RBFOX1: variants seen among roughly 807,000 people sequenced by gnomAD.
RBFOX1 encodes RNA binding fox-1 homolog 1.
In RBFOX1, 8 loss-of-function variants were observed where a neutral mutation model predicts 57.7. That is an observed-to-expected ratio of 0.14 (90% CI 0.08 to 0.25). The LOEUF (loss-of-function observed/expected upper bound fraction) is 0.25, where lower values mean the gene tolerates loss of function less well. Among genes scored for constraint, RBFOX1 ranks in the 10% least tolerant of loss-of-function variants. The pLI is 1.00. For synonymous variants in RBFOX1, 326 were observed against 222.4 expected, an observed-to-expected ratio of 1.47 and a Z score of -4.15; for missense variants, 611 against 548.5, an observed-to-expected ratio of 1.11 and a Z score of -1.14.
At chr16:6,688,053 T>G (rs1026434810) in intron 3 of RBFOX1, among the ~76,000 whole-genome samples, 1 of 152,176 alleles carries the variant, frequency 6.6e-6, no homozygotes, top group Non-Finnish European at 1.5e-5. Flanking sequence ...ATTCTTGCAC[T>G]GCCATAGACA....
At chr16:6,043,285 C>T (rs988213787) in intron 1 of RBFOX1, among the ~76,000 whole-genome samples, 2 of 152,038 alleles carry the variant, frequency 1.3e-5, no homozygotes, top group African/African-American at 2.4e-5. Flanking sequence ...CGTCTCCCAC[C>T]GAATCTGTGC....
At chr16:7,062,444 G>A (rs1348726788) in intron 4 of RBFOX1, among the ~76,000 whole-genome samples, 1 of 152,028 alleles carries the variant, frequency 6.6e-6, no homozygotes, top group Non-Finnish European at 1.5e-5. Flanking sequence ...GATGAATCAT[G>A]GGTACAGCAA....
At chr16:5,700,375 C>G (rs1407282871) in intron 3 of RBFOX1, among the ~76,000 whole-genome samples, 2 of 151,908 alleles carry the variant, frequency 1.3e-5, no homozygotes, top group Non-Finnish European at 2.9e-5. Context: ...TGCCTTCTCT[C>G]TGGAATCATA....
chr16:7,243,234 G>C lies in RBFOX1; in HGVS notation c.27+191136G>C, dbSNP rs146954222. ...TGCCAACAACTACTCCAAGCACTTG[G>C]CATGAATGTACCACATTTATTCTCC... On this transcript the variant is annotated intron_variant, in intron 4 of 15. Transcript: ENST00000550418. 4.4e-4 allele frequency among the ~76,000 whole-genome samples: 67 copies of C among 152,216 alleles called. No individual in the cohort carries two copies. In the East Asian group the frequency reaches 0.012, roughly 26 times the overall value.
chr16:7,598,303 G>A (rs886181358), intron 9 of RBFOX1, among the ~76,000 whole-genome samples: 2 of 152,032 alleles, frequency 1.3e-5, no homozygotes, highest in Non-Finnish European at 2.9e-5. Flanking sequence ...TGACATAAAT[G>A]TTTGTCGCAT....
chr16:7,197,958 C>T (rs1363179660), intron 4 of RBFOX1, among the ~76,000 whole-genome samples: 3 of 150,514 alleles, frequency 2.0e-5, no homozygotes, highest in African/African-American at 7.3e-5. Flanking sequence ...TCTTTTTTCC[C>T]CCGTTCCACT....
chr16:7,066,818 T>G (rs2056167079), intron 4 of RBFOX1, among the ~76,000 whole-genome samples: 2 of 152,188 alleles, frequency 1.3e-5, no homozygotes, highest in African/African-American at 2.4e-5. Context: ...AGAGGAGCAC[T>G]TGATGTCAAC....
At chr16:5,299,649 C>A (rs2063756265) in intron 1 of RBFOX1, among the ~76,000 whole-genome samples, 3 of 152,190 alleles carry the variant, frequency 2.0e-5, no homozygotes, top group African/African-American at 2.4e-5. Flanking sequence ...ATGTTGACTT[C>A]ATATCTAGAA....
chr16:6,731,635 C>T (rs1211954451), intron 3 of RBFOX1, among the ~76,000 whole-genome samples: 1 of 152,038 alleles, frequency 6.6e-6, no homozygotes, highest in Admixed American at 6.6e-5. Flanking sequence ...GGAGTGTAAA[C>T]ACCCCAGCTC....
intron 4 of RBFOX1, among the ~76,000 whole-genome samples, chr16:7,258,789 A>G (rs754924033): frequency 4.6e-5 from 7 of 152,168 alleles, no homozygotes; most frequent in Non-Finnish European, 1.0e-4. Context: ...TTTTGAACCG[A>G]GAAAGGGTTC....
chr16:6,134,551 C>T (rs1202600413), intron 1 of RBFOX1, among the ~76,000 whole-genome samples: 1 of 152,040 alleles, frequency 6.6e-6, no homozygotes, highest in African/African-American at 2.4e-5. Context: ...TGGTAGGTAC[C>T]AAAGACATGA....
rs113263505 is a variant in RBFOX1, at chr16:5,902,306, C to T, written c.351+34971C>T. On this transcript the variant is annotated intron_variant, in intron 4 of 19. Transcript: ENST00000641259. ...GAGCCACAGTTGACAAATAATAGAG[C>T]TAGAATTTGAACCCAAATTTGGGTG... 4.1e-3 allele frequency among the ~76,000 whole-genome samples: 631 copies of T among 152,282 alleles called. 7 individuals are homozygous for T. Among genetic ancestry groups the T allele is most frequent in the African/African-American group, 0.015 (605 of 41,562 alleles).
chr16:6,666,378 T>A (rs1167005884), intron 3 of RBFOX1, among the ~76,000 whole-genome samples: 4 of 152,000 alleles, frequency 2.6e-5, no homozygotes, highest in African/African-American at 9.7e-5. Context: ...CTACCACAAG[T>A]ACAAAATGTA....
intron 4 of RBFOX1, among the ~76,000 whole-genome samples, chr16:7,439,945 CTTTCTTTTTTT>C (rs2098753028): frequency 8.8e-6 from 1 of 113,394 alleles, no homozygotes; most frequent in Non-Finnish European, 1.9e-5. Context: ...CAAATCTTTT[CTTTCTTTTTTT>C]TTTTTTTTTT....
intron 3 of RBFOX1, among the ~76,000 whole-genome samples, chr16:6,925,304 T>C (rs2075360382): frequency 6.7e-6 from 1 of 149,216 alleles, no homozygotes; most frequent in African/African-American, 2.6e-5. Context: ...CATTTAACTT[T>C]TGTAGAGATA....
chr16:5,370,066 G>A (rs773190490), intron 1 of RBFOX1, among the ~76,000 whole-genome samples: 1 of 152,018 alleles, frequency 6.6e-6, no homozygotes, highest in Non-Finnish European at 1.5e-5. Flanking sequence ...CTATGTGCTG[G>A]GCACCATTCT....
intron 2 of RBFOX1, among the ~76,000 whole-genome samples, chr16:6,526,662 C>G (rs2096581954): frequency 6.6e-6 from 1 of 151,586 alleles, no homozygotes; most frequent in Non-Finnish European, 1.5e-5. Flanking sequence ...AACCCCGTGT[C>G]TACTAAAAAT....
intron 2 of RBFOX1, among the ~76,000 whole-genome samples, chr16:6,335,089 T>G (rs965888376): frequency 3.9e-5 from 6 of 152,236 alleles, no homozygotes; most frequent in African/African-American, 1.2e-4. Flanking sequence ...GTAGGAACAT[T>G]TTTCTGCAGT....
intron 4 of RBFOX1, among the ~76,000 whole-genome samples, chr16:7,370,805 G>A (rs1409885450): frequency 6.6e-6 from 1 of 152,176 alleles, no homozygotes; most frequent in African/African-American, 2.4e-5. Flanking sequence ...TTTGCTAATT[G>A]CAGGACTGTT....
Sources: gnomAD v4.1 joint callset for allele counts (sites outside exome capture counted in the v4.1 genomes callset) on GRCh38, gnomAD v4.1.1 for gene constraint, MANE v1.5 for transcripts, NCBI Gene and HGNC (gene_info 2026-07-23, HGNC 2026-07-21) for gene names.